Variants in EPHA6 observed in about 807,000 individuals in gnomAD.
EPHA6 encodes ephrin type-A receptor 6.
In EPHA6, 50 loss-of-function variants were observed where a neutral mutation model predicts 112.0. The observed-to-expected ratio is 0.45, with a 90% CI of 0.36 to 0.56. The LOEUF is 0.56. EPHA6 is among the 20% of genes least tolerant of loss of function. The pLI is 0.00. For synonymous variants in EPHA6, 529 were observed against 490.7 expected (o/e 1.08, Z -1.03); for missense variants, 1,280 against 1,417.4 (o/e 0.90, Z 1.56).
At chr3:97,432,233 G>T (rs2107237683) in intron 6 of EPHA6, among the ~76,000 whole-genome samples, 1 of 152,168 alleles carries the variant, frequency 6.6e-6, no homozygotes, top group Middle Eastern at 3.4e-3. Flanking sequence ...AACAACAAAT[G>T]CAATTCCATC....
chr3:97,286,603 C>G (rs1204931906), intron 5 of EPHA6, among the ~76,000 whole-genome samples: 1 of 151,218 alleles, frequency 6.6e-6, no homozygotes, highest in Non-Finnish European at 1.5e-5. Flanking sequence ...ATGTGTTTGT[C>G]CTTACACCAA....
At chr3:97,546,310 T>C (rs1044117812) in intron 11 of EPHA6, among the ~76,000 whole-genome samples, 77 of 152,202 alleles carry the variant, frequency 5.1e-4, no homozygotes, top group Non-Finnish European at 9.4e-4. Flanking sequence ...ATTTTATTTC[T>C]CCTTCACTTA....
intron 10 of EPHA6, among the ~76,000 whole-genome samples, chr3:97,516,498 T>C (rs1369618662): frequency 1.3e-5 from 2 of 152,178 alleles, no homozygotes; most frequent in African/African-American, 4.8e-5. Flanking sequence ...CAGACAGAAT[T>C]CATCATGAGA....
intron 2 of EPHA6, among the ~76,000 whole-genome samples, chr3:96,972,095 G>T (rs985362314): frequency 6.6e-6 from 1 of 152,034 alleles, no homozygotes; most frequent in Non-Finnish European, 1.5e-5. Context: ...TCATCTACCA[G>T]TGTAATGCTA....
At chr3:97,522,211 T>G (rs2092554718) in intron 10 of EPHA6, among the ~76,000 whole-genome samples, 1 of 152,174 alleles carries the variant, frequency 6.6e-6, no homozygotes, top group Non-Finnish European at 1.5e-5. Context: ...CATGCCCAGC[T>G]GGGAAGTGTT....
intron 11 of EPHA6, among the ~76,000 whole-genome samples, chr3:97,561,393 A>G (rs2093189500): frequency 6.6e-6 from 1 of 152,082 alleles, no homozygotes; most frequent in African/African-American, 2.4e-5. Flanking sequence ...AATGAGAAGA[A>G]AGTGAAGCAG....
At chr3:97,289,014 T>A (rs1407054056) in intron 5 of EPHA6, among the ~76,000 whole-genome samples, 2 of 145,818 alleles carry the variant, frequency 1.4e-5, no homozygotes, top group Non-Finnish European at 3.0e-5. Context: ...AATTTGCAAA[T>A]ATTTTCTCCC....
chr3:97,320,737 T>C (rs2082070196), intron 5 of EPHA6, among the ~76,000 whole-genome samples: 1 of 151,438 alleles, frequency 6.6e-6, no homozygotes, highest in South Asian at 2.1e-4. Context: ...GTGATGCTTC[T>C]TATTTTCTGG....
chr3:97,260,787 T>G (rs987600691), intron 5 of EPHA6, among the ~76,000 whole-genome samples: 1 of 152,212 alleles, frequency 6.6e-6, no homozygotes, highest in African/African-American at 2.4e-5. Context: ...AAAACCGTTT[T>G]TCATTGATCT....
chr3:97,722,986 A>G (rs2034598872), intron 15 of EPHA6, among the ~76,000 whole-genome samples: 1 of 152,204 alleles, frequency 6.6e-6, no homozygotes, highest in South Asian at 2.1e-4. Flanking sequence ...ACTTTCAATA[A>G]GTACAAGAAA....
chr3:97,192,675 G>C (rs1478398928), intron 3 of EPHA6, among the ~76,000 whole-genome samples: 1 of 151,980 alleles, frequency 6.6e-6, no homozygotes, highest in African/African-American at 2.4e-5. Context: ...CTGTACTTAT[G>C]GGGTATTACT....
At chr3:97,305,604 A>C (rs928883535) in intron 5 of EPHA6, among the ~76,000 whole-genome samples, 3 of 152,032 alleles carry the variant, frequency 2.0e-5, no homozygotes, top group African/African-American at 7.2e-5. Flanking sequence ...ATCCTCAGCA[A>C]ACTAACACAA....
At chr3:97,556,202 C>G (rs975768358) in intron 11 of EPHA6, among the ~76,000 whole-genome samples, 1 of 152,026 alleles carries the variant, frequency 6.6e-6, no homozygotes, top group African/African-American at 2.4e-5. Context: ...CAAGTTTTCC[C>G]CACACTCTCT....
intron 7 of EPHA6, among the ~76,000 whole-genome samples, chr3:97,473,746 T>C (rs2091293871): frequency 6.6e-6 from 1 of 151,832 alleles, no homozygotes; most frequent in Admixed American, 6.6e-5. Context: ...CAACATTCAT[T>C]CCCATGATAT....
At chr3:96,822,874 G>A (rs980789050) in intron 1 of EPHA6, among the ~76,000 whole-genome samples, 3 of 151,070 alleles carry the variant, frequency 2.0e-5, no homozygotes, top group African/African-American at 7.3e-5. Flanking sequence ...AATAGGAAAA[G>A]CACTAACTTT....
chr3:96,973,345 A>G (rs1170455247), intron 2 of EPHA6, among the ~76,000 whole-genome samples: 6 of 152,208 alleles, frequency 3.9e-5, no homozygotes, highest in African/African-American at 1.4e-4. Context: ...TATATCCAGG[A>G]AGTAAAACTT....
intron 2 of EPHA6, among the ~76,000 whole-genome samples, chr3:96,888,777 T>G (rs1010411167): frequency 6.6e-6 from 1 of 152,226 alleles, no homozygotes; most frequent in Non-Finnish European, 1.5e-5. Context: ...CCCTGTTGTC[T>G]TGGTGATTAA....
At chr3:97,334,342 A>AT (rs1349728960) in intron 5 of EPHA6, among the ~76,000 whole-genome samples, 1 of 151,796 alleles carries the variant, frequency 6.6e-6, no homozygotes, top group Non-Finnish European at 1.5e-5. Flanking sequence ...AAAAGAAGAG[A>AT]TTTTCTGGAA....
At chr3:97,529,659 T>C (rs1178065385) in intron 10 of EPHA6, among the ~76,000 whole-genome samples, 2 of 152,114 alleles carry the variant, frequency 1.3e-5, no homozygotes, top group Non-Finnish European at 2.9e-5. Flanking sequence ...CTGCCTCGTA[T>C]GTCTGATTCA....
Sources: gnomAD v4.1 joint callset for allele counts (sites outside exome capture counted in the v4.1 genomes callset) on GRCh38, gnomAD v4.1.1 for gene constraint, MANE v1.5 for transcripts, NCBI Gene and HGNC (gene_info 2026-07-23, HGNC 2026-07-21) for gene names.